TULP4: variants seen among roughly 807,000 people sequenced by gnomAD.
TULP4 encodes the protein TUB like protein 4.
A neutral mutation model predicts 129.0 loss-of-function variants in TULP4; 16 were observed. The observed-to-expected ratio is 0.12, with a 90% confidence interval of 0.08 to 0.19. The LOEUF (loss-of-function observed/expected upper bound fraction) is 0.19. Among genes scored for constraint, TULP4 ranks in the 10% least tolerant of loss-of-function variants. The pLI, the probability that TULP4 is intolerant of heterozygous loss-of-function variation, is 1.00. For synonymous variants in TULP4, 998 were observed against 854.0 expected (o/e 1.17, Z -2.94); for missense variants, 1,842 against 2,059.1 (o/e 0.89, Z 2.04).
chr6:158,429,703 A>T, intron 2 of TULP4, 33 bp from the exon 3 acceptor site: 1 of 1,591,718 alleles, frequency 6.3e-7, no homozygotes, highest in Non-Finnish European at 8.6e-7. Flanking sequence ...TTTTCAGATT[A>T]CAAATTGACT....
At chr6:158,309,585 C>G (rs2128480921), upstream of TULP4, among the ~76,000 whole-genome samples, 1 of 152,252 alleles carries the variant, frequency 6.6e-6, no homozygotes, top group East Asian at 2.0e-4. Flanking sequence ...TGCCACTGCA[C>G]TCCAGCCTGG....
intron 1 of TULP4, among the ~76,000 whole-genome samples, chr6:158,241,349 C>G (rs1172445183): frequency 5.3e-5 from 7 of 132,432 alleles, no homozygotes; most frequent in African/African-American, 1.8e-4. Context: ...GGGTGGCGGC[C>G]GGGCAGAGGC....
Position 158,502,669 on chromosome 6 carries a change from C to T in TULP4, c.3006C>T (p.Ala1002=), listed in dbSNP as rs202094065. The part of the protein sequence containing the change: ...REATLKMAQL[A]DSPRAPLQPL... ...CTACGCTCAAGATGGCCCAGCTGGC[C>T]GACAGCCCGCGGGCCCCCCTGCAGC... The change falls in exon 13 of 14, where the codon GCC becomes GCT. Residue 1002 remains alanine, a synonymous_variant. Transcript: ENST00000367097. 53 of 1,559,578 alleles carry T rather than the reference C, an allele frequency of 3.4e-5. 1 individual carries two copies. In the Middle Eastern group the frequency reaches 5.1e-4, roughly 15 times the overall value.
At chr6:158,443,670 G>A (rs1778950377) in intron 3 of TULP4, among the ~76,000 whole-genome samples, 1 of 152,034 alleles carries the variant, frequency 6.6e-6, no homozygotes, top group Non-Finnish European at 1.5e-5. Flanking sequence ...CTTTTCTTCA[G>A]TGAAGAGATG....
intron 1 of TULP4, chr6:158,238,415 GTTTTT>G: frequency 3.1e-6 from 1 of 320,348 alleles, no homozygotes; most frequent in Non-Finnish European, 5.5e-6. Flanking sequence ...TTGTTAAATT[GTTTTT>G]TTTTTTTTTT....
intron 1 of TULP4, among the ~76,000 whole-genome samples, chr6:158,295,685 C>T (rs963774306): frequency 4.6e-5 from 7 of 152,042 alleles, no homozygotes; most frequent in South Asian, 2.1e-4. Context: ...GTTGAGAGAT[C>T]GAGACCATGC....
intron 5 of TULP4, among the ~76,000 whole-genome samples, chr6:158,460,657 C>A (rs969848): frequency 1.3e-5 from 2 of 152,228 alleles, no homozygotes; most frequent in African/African-American, 2.4e-5. Context: ...TATTTATTTT[C>A]TTTTCTAAGC....
intron 5 of TULP4, among the ~76,000 whole-genome samples, chr6:158,456,392 A>T (rs189649407): frequency 6.6e-6 from 1 of 152,214 alleles, no homozygotes; most frequent in Admixed American, 6.5e-5. Flanking sequence ...TGAAAACATT[A>T]TGAGATTTTT....
At chr6:158,337,071 C>CTTTCTTTCT (rs1780056457) in intron 1 of TULP4, among the ~76,000 whole-genome samples, 1 of 1,860 alleles carries the variant, frequency 5.4e-4, no homozygotes, top group African/African-American at 1.3e-3. Flanking sequence ...TTCTTTCTTT[C>CTTTCTTTCT]TTTTCTTTCT....
chr6:158,442,686 G>A (rs1778926367), intron 3 of TULP4, among the ~76,000 whole-genome samples: 1 of 151,978 alleles, frequency 6.6e-6, no homozygotes, highest in Non-Finnish European at 1.5e-5. Flanking sequence ...TATTCACATG[G>A]TATAAAATAC....
intron 1 of TULP4, among the ~76,000 whole-genome samples, chr6:158,283,758 C>G (rs1322474871): frequency 6.6e-6 from 1 of 152,230 alleles, no homozygotes; most frequent in Non-Finnish European, 1.5e-5. Context: ...CTCCAGCCTT[C>G]TGCTTCAGCA....
chr6:158,465,476 G>A (rs1779534607), intron 6 of TULP4, among the ~76,000 whole-genome samples: 1 of 152,158 alleles, frequency 6.6e-6, no homozygotes, highest in Non-Finnish European at 1.5e-5. Context: ...AGATCTCTTT[G>A]AGACCCTGCT....
intron 1 of TULP4, among the ~76,000 whole-genome samples, chr6:158,314,501 C>T (rs1779442085): frequency 6.6e-6 from 1 of 152,234 alleles, no homozygotes; most frequent in South Asian, 2.1e-4. Flanking sequence ...CTGCTGTCCT[C>T]TCCCTGCACT....
intron 3 of TULP4, among the ~76,000 whole-genome samples, chr6:158,447,380 A>G (rs1172935971): frequency 2.0e-5 from 3 of 152,218 alleles, no homozygotes; most frequent in Non-Finnish European, 4.4e-5. Context: ...GCATATAGTA[A>G]TGAATTAATT....
intron 1 of TULP4, among the ~76,000 whole-genome samples, chr6:158,359,706 C>T (rs1780724488): frequency 6.6e-6 from 1 of 152,168 alleles, no homozygotes; most frequent in African/African-American, 2.4e-5. Flanking sequence ...CTCACAGACA[C>T]ACCCAGGAAC....
chr6:158,364,881 G>T (rs542307184), intron 1 of TULP4, among the ~76,000 whole-genome samples: 1 of 151,936 alleles, frequency 6.6e-6, no homozygotes, highest in Non-Finnish European at 1.5e-5. Flanking sequence ...GACTACAGGC[G>T]CCCGCCACCA....
rs200035868 is a variant in TULP4 at position 158,493,589 on chromosome 6, C to T, written c.1648C>T (p.Arg550Cys). Residue 550 changes from arginine (R) to cysteine (C), a missense_variant, in exon 10 of 14, where the codon CGC becomes TGC. This residue lies in a region of TULP4 where 456 missense variants were observed against 534.3 expected (regional missense o/e 0.85). Coordinates refer to ENST00000367097, the MANE Select transcript of TULP4 (RefSeq NM_020245.5). This position sits in a 1 kb window ranked among gnomAD's most constrained non-coding sequence, Gnocchi z 4.4. ...CCTCCCCAGGATCAGCATTGAGGCC[C>T]GCAAGTCACCCAAGCTGCCCCGGGC... ...PKLPRISIEA[R>C]KSPKLPRAAQ... is the part of the protein sequence containing the mutation. 1.2e-5 allele frequency: 18 copies of T among 1,547,208 alleles called. No homozygotes were observed. Among genetic ancestry groups the T allele is most frequent in the Admixed American group, 4.0e-5 (2 of 49,926 alleles).
At chr6:158,328,152 A>G (rs2128490674) in intron 1 of TULP4, among the ~76,000 whole-genome samples, 1 of 148,772 alleles carries the variant, frequency 6.7e-6, no homozygotes, top group East Asian at 2.1e-4. Context: ...AAAGAGGTAG[A>G]CCTAGTTATA....
At chr6:158,436,131 C>T (rs866557043) in intron 3 of TULP4, among the ~76,000 whole-genome samples, 2 of 152,100 alleles carry the variant, frequency 1.3e-5, no homozygotes, top group Admixed American at 6.6e-5. Context: ...GGTCTTGAAC[C>T]GCTAACCTCA....
Sources: allele counts gnomAD v4.1 joint callset (sites outside exome capture counted in the v4.1 genomes callset), GRCh38; gene constraint gnomAD v4.1.1; regional missense constraint gnomAD v4.1.1; non-coding constraint Gnocchi (gnomAD v3.1); transcripts MANE v1.5; gene names NCBI Gene and HGNC (gene_info 2026-07-23, HGNC 2026-07-21).